KCNQ1: variants seen among roughly 807,000 people sequenced by gnomAD.
KCNQ1 encodes the protein potassium voltage-gated channel subfamily KQT member 1.
A neutral mutation model predicts 72.4 loss-of-function variants in KCNQ1; 49 were observed. The ratio of observed to expected loss-of-function variants is 0.68; its 90% confidence interval spans 0.54 to 0.86. The LOEUF (loss-of-function observed/expected upper bound fraction) is 0.86. Ranked by LOEUF, KCNQ1 falls within the 40% of genes least tolerant of loss-of-function variation. The probability of loss-of-function intolerance (pLI) is 0.00; values close to 1 mark genes in which losing one functional copy is unlikely to be tolerated. For missense variants in KCNQ1, 790 were observed against 945.1 expected (o/e 0.84, Z 2.15); for synonymous variants, 450 against 412.6 (o/e 1.09, Z -1.10).
chr11:2,726,289 C>T (rs12805655), intron 11 of KCNQ1, among the ~76,000 whole-genome samples: 13,183 of 152,314 alleles, frequency 0.087, 738 homozygotes, highest in East Asian at 0.24. Flanking sequence ...GAAGGAGTGG[C>T]TGCCTGGCCC....
rs1165707126 is a variant in KCNQ1 at position 2,818,144 on chromosome 11, C to G, written c.1795-29623C>G. On this transcript the variant is annotated intron_variant, in intron 15 of 15. Transcript: ENST00000155840. The surrounding 1 kb of genome is among the most constrained non-coding windows in gnomAD (Gnocchi z 7.2). ...CATCTAAACCCAGTGTCTGCTGGCCCTCAGAGTGGGAGCGCGTGCCCCAAC... is the reference window on the plus strand; with the variant it reads ...CATCTAAACCCAGTGTCTGCTGGCCGTCAGAGTGGGAGCGCGTGCCCCAAC... Among the ~76,000 whole-genome samples the G allele has an allele frequency of 6.6e-6, 1 of 152,208 alleles. No homozygotes were observed. The highest frequency in any genetic ancestry group is 1.9e-4 in the East Asian group (1 of 5,194).
At chr11:2,619,169 C>T (rs552507493) in intron 10 of KCNQ1, 79 of 398,426 alleles carry the variant, frequency 2.0e-4, no homozygotes, top group African/African-American at 1.6e-3. Flanking sequence ...TCTTTCATTT[C>T]TTTTTCTTGT....
chr11:2,513,843 G>C (rs1847247302), intron 1 of KCNQ1, among the ~76,000 whole-genome samples: 1 of 152,246 alleles, frequency 6.6e-6, no homozygotes, highest in Non-Finnish European at 1.5e-5. Context: ...GGCTGGGAGA[G>C]GGAGGAAGGC....
intron 1 of KCNQ1, among the ~76,000 whole-genome samples, chr11:2,465,416 A>C (rs7111378): frequency 8.5e-5 from 13 of 152,200 alleles, no homozygotes; most frequent in African/African-American, 3.1e-4. Context: ...TGATCCTCCA[A>C]GGTCCAGCCA....
rs569597960 is a variant in KCNQ1 at position 2,720,979 on chromosome 11, G to A, written c.1515-47865G>A. 1.2e-4 allele frequency among the ~76,000 whole-genome samples: 18 copies of A among 152,288 alleles called. No individual in the cohort carries two copies. Among genetic ancestry groups the A allele is most frequent in the Admixed American group, 7.8e-4 (12 of 15,302 alleles). On this transcript the variant is annotated intron_variant, in intron 11 of 15. Coordinates refer to ENST00000155840, the MANE Select transcript of KCNQ1 (RefSeq NM_000218.3). This position sits in a 1 kb window ranked among gnomAD's most constrained non-coding sequence, Gnocchi z 5.1. Reference sequence around the variant, plus strand: ...CTCAGATTTCCAGGGACTCGGGCAGGCACAGCTTTCCAGGCCAGAGCCATG... The same window carrying A: ...CTCAGATTTCCAGGGACTCGGGCAGACACAGCTTTCCAGGCCAGAGCCATG...
At chr11:2,705,946 G>T (rs1850904484) in intron 11 of KCNQ1, among the ~76,000 whole-genome samples, 1 of 152,192 alleles carries the variant, frequency 6.6e-6, no homozygotes, top group African/African-American at 2.4e-5. Flanking sequence ...TGAGCAGTGG[G>T]TGCAGAGTCA....
At chr11:2,706,954 C>T (rs1045153550) in intron 11 of KCNQ1, among the ~76,000 whole-genome samples, 6 of 152,182 alleles carry the variant, frequency 3.9e-5, no homozygotes, top group East Asian at 3.9e-4. Context: ...GAGAAACTGA[C>T]AGTTGGAATG....
Position 2,844,887 on chromosome 11 carries a change from A to G in KCNQ1, c.1795-2880A>G, listed in dbSNP as rs576657931. Among the ~76,000 whole-genome samples the G allele has an allele frequency of 2.6e-5, 4 of 152,132 alleles. No homozygotes were observed. The East Asian group carries it at 7.7e-4, about 29-fold the overall frequency. On this transcript the variant is annotated intron_variant, in intron 15 of 15. Coordinates refer to ENST00000155840, the MANE Select transcript of KCNQ1 (RefSeq NM_000218.3). ...AGCTGGGGCCTGCACAGTTAGTGAC[A>G]GTAAGCCACGCGGGGCAAACCTCGT... is the stretch of plus-strand genomic sequence containing the variant.
chr11:2,470,809 A>C (rs1380576637), intron 1 of KCNQ1, among the ~76,000 whole-genome samples: 1 of 152,082 alleles, frequency 6.6e-6, no homozygotes. Flanking sequence ...CATTCTCTTA[A>C]TAGTGCCCTT....
chr11:2,578,608 T>C (rs745728967), intron 6 of KCNQ1, among the ~76,000 whole-genome samples: 95 of 152,300 alleles, frequency 6.2e-4, no homozygotes, highest in Non-Finnish European at 1.1e-3. Flanking sequence ...GCCAGGGGCC[T>C]CCTCATGGCT....
intron 7 of KCNQ1, 119 bp from the exon 8 acceptor site, chr11:2,585,093 G>A (rs562975925): frequency 5.7e-6 from 5 of 881,186 alleles, no homozygotes; most frequent in South Asian, 4.0e-5. Flanking sequence ...ACTTGGGGGG[G>A]CTTCCAGCAC....
At chr11:2,753,533 A>G (rs891851187) in intron 11 of KCNQ1, among the ~76,000 whole-genome samples, 1 of 152,202 alleles carries the variant, frequency 6.6e-6, no homozygotes, top group Non-Finnish European at 1.5e-5. Context: ...TCCCGAGCAA[A>G]GTACCTGCCA....
In KCNQ1 at chr11:2,588,717, A is replaced by AG; in HGVS notation, c.1257dup (p.Lys420GlufsTer43). The AG allele has an allele frequency of 6.2e-7, 1 of 1,613,474 alleles. No individual in the cohort carries two copies. Among genetic ancestry groups the AG allele is most frequent in the Non-Finnish European group, 8.5e-7 (1 of 1,179,928 alleles). The stretch of plus-strand genomic sequence containing the variant: ...CTGTTGTCTTGTTTTTTTTAGGTAA[A>AG]GAAAAAAAAGTTCAAGCTGGACAAA... On this transcript the variant is annotated frameshift_variant, in exon 10 of 16. Coordinates refer to ENST00000155840, the MANE Select transcript of KCNQ1 (RefSeq NM_000218.3). LOFTEE classifies it high-confidence loss of function. This position sits in a 1 kb window ranked among gnomAD's most constrained non-coding sequence, Gnocchi z 5.6.
intron 11 of KCNQ1, chr11:2,699,522 G>A (rs954853110): frequency 4.0e-5 from 11 of 275,504 alleles, no homozygotes; most frequent in Non-Finnish European, 6.0e-5. Flanking sequence ...CCAGGAGAGT[G>A]CCGCGCTGAG....
At chr11:2,615,239 T>C (rs192235951) in intron 10 of KCNQ1, 102 of 398,188 alleles carry the variant, frequency 2.6e-4, no homozygotes, top group African/African-American at 2.0e-3. Flanking sequence ...TTTCTTAAAA[T>C]AAATGTTGAA....
At position 2,674,396 on chromosome 11, in the gene KCNQ1, CGT is replaced by C. The variant is rs923192309; in HGVS notation, c.1514+12325_1514+12326del. On this transcript the variant is annotated intron_variant, in intron 11 of 15. Coordinates refer to ENST00000155840, the MANE Select transcript of KCNQ1 (RefSeq NM_000218.3). This position sits in a 1 kb window ranked among gnomAD's most constrained non-coding sequence, Gnocchi z 5.9. ...CCTGCTTAGGGAAGGTGCATGCGTG[CGT>C]GTGTGTGTGCGCGCCCGCGCGCACA... 3.3e-4 allele frequency: 49 copies of C among 148,286 alleles called. No individual in the cohort carries two copies. The highest frequency in any genetic ancestry group is 5.1e-4 in the Non-Finnish European group (35 of 68,266). 9.2% of individuals were successfully genotyped at this position (148,286 alleles called of 1,614,324 possible). A position where few individuals can be genotyped will look rare whatever the true frequency, so the allele number is the denominator to read the frequency against.
intron 10 of KCNQ1, chr11:2,618,448 A>ATGAGAGAG: frequency 2.5e-6 from 1 of 398,594 alleles, no homozygotes; most frequent in Non-Finnish European, 4.4e-6. Flanking sequence ...AACGTCATTT[A>ATGAGAGAG]TGAGAGAGAC....
At position 2,776,033 on chromosome 11, in the gene KCNQ1, G is replaced by T. The variant is rs199472800; in HGVS notation, c.1664G>T (p.Arg555Leu). ...YSQGHLNLMVRIKELQRRLDQ... is the reference protein window; with the variant it reads ...YSQGHLNLMVLIKELQRRLDQ... The stretch of plus-strand genomic sequence containing the variant: ...CAGGGCCACCTCAACCTCATGGTGC[G>T]CATCAAGGAGCTGCAGAGGAGGTGG... The change falls in exon 13 of 16, where the codon CGC (arginine) becomes CTC (leucine). Residue 555 changes from arginine to leucine, a missense_variant. Transcript: ENST00000155840. The T allele has an allele frequency of 9.6e-6, 15 of 1,566,346 alleles. No homozygotes were observed. The highest frequency in any genetic ancestry group is 1.3e-5 in the Non-Finnish European group (15 of 1,155,610).
intron 1 of KCNQ1, among the ~76,000 whole-genome samples, chr11:2,511,950 C>G (rs972435248): frequency 2.0e-5 from 3 of 152,184 alleles, no homozygotes; most frequent in Non-Finnish European, 4.4e-5. Flanking sequence ...ATGGACAGGG[C>G]ATGAGGAAGC....
Sources: allele counts gnomAD v4.1 joint callset (sites outside exome capture counted in the v4.1 genomes callset), GRCh38; gene constraint gnomAD v4.1.1; non-coding constraint Gnocchi (gnomAD v3.1); transcripts MANE v1.5; gene names NCBI Gene and HGNC (gene_info 2026-07-23, HGNC 2026-07-21).